STARD9: variants seen among roughly 807,000 people sequenced by gnomAD.
STARD9 encodes StAR related lipid transfer domain containing 9, also known as stAR-related lipid transfer protein 9.
A neutral mutation model predicts 399.8 loss-of-function variants in STARD9; 346 were observed. That is an observed-to-expected ratio of 0.87 (90% CI 0.79 to 0.95). The LOEUF is 0.95. Among genes scored for constraint, STARD9 ranks in the 40% least tolerant of loss-of-function variants. The pLI is 0.00. For missense variants in STARD9, 5,832 were observed against 5,667.5 expected (o/e 1.03, Z -0.93); for synonymous variants, 2,203 against 2,143.5 (o/e 1.03, Z -0.77).
chr15:42,688,942 G>A lies in STARD9; in HGVS notation c.7364G>A (p.Gly2455Asp), dbSNP rs955213452. The A allele has an allele frequency of 2.0e-6, 3 of 1,537,412 alleles. No homozygotes were observed. Among genetic ancestry groups the A allele is most frequent in the Non-Finnish European group, 8.7e-7 (1 of 1,146,960 alleles). ...AAGGACCTCAGAATCACCTTGCTGG[G>A]TTTCAGTACCAGTGAAGATTTTGCT... Reference protein sequence around the residue: ...HGKDLRITLLGFSTSEDFASE... With the variant: ...HGKDLRITLLDFSTSEDFASE... Residue 2455 changes from glycine to aspartate, a missense_variant, in exon 23 of 33, where the codon GGT becomes GAT. By Grantham distance (94) the Gly-to-Asp change is moderately conservative. Transcript: ENST00000290607.
intron 3 of STARD9, among the ~76,000 whole-genome samples, chr15:42,588,850 A>G (rs1386213587): frequency 8.0e-6 from 1 of 125,772 alleles, no homozygotes; most frequent in Non-Finnish European, 1.6e-5. Context: ...ACAGAGTCTT[A>G]GTCACCCAGG....
Position 42,715,519 on chromosome 15 carries a change from A to G in STARD9, c.13285-1158A>G, listed in dbSNP as rs1046470810. ...AACAGGGTGAGATCCTGTCTTTACAAATTTTTTTTTTTTTTTTGAGATGGA... is the reference window on the plus strand; with the variant it reads ...AACAGGGTGAGATCCTGTCTTTACAGATTTTTTTTTTTTTTTTGAGATGGA... On this transcript the variant is annotated intron_variant, in intron 26 of 32. Transcript: ENST00000290607. 3.8e-5 allele frequency among the ~76,000 whole-genome samples: 5 copies of G among 130,590 alleles called. No homozygotes were observed. In the East Asian group the frequency reaches 6.0e-4, roughly 16 times the overall value. The allele number at this position is 130,590 out of a possible 152,430, so 85.7% of individuals were successfully genotyped here.
chr15:42,717,974 C>G lies in STARD9; in HGVS notation c.13560-3C>G. 1.3e-6 allele frequency: 2 copies of G among 1,537,146 alleles called. No homozygotes were observed. Among genetic ancestry groups the G allele is most frequent in the Non-Finnish European group, 1.7e-6 (2 of 1,146,836 alleles). ...ATTTTCTGTGCTTGGTGTCTCCCCC[C>G]AGCTATCAGGGTGAGGAGCAGGCGG... is the stretch of plus-strand genomic sequence containing the variant. On this transcript the variant is annotated splice_polypyrimidine_tract_variant and splice_region_variant and intron_variant, in intron 29 of 32. Coordinates refer to ENST00000290607, the MANE Select transcript of STARD9 (RefSeq NM_020759.3).
At position 42,697,791 on chromosome 15, in the gene STARD9, A is replaced by C. The variant is rs1400594929; in HGVS notation, c.13284+1911A>C. Among the ~76,000 whole-genome samples, 2 of 152,180 alleles carry C rather than the reference A, an allele frequency of 1.3e-5. 1 individual carries two copies. Among genetic ancestry groups the C allele is most frequent in the African/African-American group, 4.8e-5 (2 of 41,434 alleles). On this transcript the variant is annotated intron_variant, in intron 26 of 32. Transcript: ENST00000290607. ...CCATCATATCTCCTTATGCATATGC[A>C]AATTCTCCAAAATCCGAAAAAATTC...
chr15:42,581,017 G>A, intron 1 of STARD9: 1 of 446,450 alleles, frequency 2.2e-6, no homozygotes, highest in Non-Finnish European at 4.2e-6. Context: ...ACTGTAATGG[G>A]GACTGCTGGT....
At chr15:42,611,756 A>T (rs140427579) in intron 3 of STARD9, among the ~76,000 whole-genome samples, 2 of 152,238 alleles carry the variant, frequency 1.3e-5, no homozygotes, top group African/African-American at 2.4e-5. Flanking sequence ...ACGAGGGGTG[A>T]TTAGGTTATC....
At position 42,719,833 on chromosome 15, in the gene STARD9, CT is replaced by C. The variant is rs1595841108; in HGVS notation, c.*263del. 5.0e-6 allele frequency: 2 copies of C among 398,782 alleles called. No individual in the cohort carries two copies. Among genetic ancestry groups the C allele is most frequent in the South Asian group, 5.0e-5 (1 of 19,820 alleles). The allele number at this position is 398,782 out of a possible 1,614,324, so 24.7% of individuals were successfully genotyped here. On this transcript the variant is annotated 3_prime_UTR_variant, in exon 33 of 33. Coordinates refer to ENST00000290607, the MANE Select transcript of STARD9 (RefSeq NM_020759.3). The stretch of plus-strand genomic sequence containing the variant: ...CCAGAGTGAATGCAGCTCCGCTCAC[CT>C]TTTGGATTTCTCACCTTTCTTTCCT...
chr15:42,607,686 A>ACACACACACAC (rs2058764892), intron 3 of STARD9, among the ~76,000 whole-genome samples: 1 of 144,102 alleles, frequency 6.9e-6, no homozygotes, highest in African/African-American at 2.9e-5. Context: ...ACACACACAC[A>ACACACACACAC]AATATATATT....
intron 1 of STARD9, among the ~76,000 whole-genome samples, chr15:42,578,744 G>T (rs899338468): frequency 6.6e-6 from 1 of 151,458 alleles, no homozygotes; most frequent in African/African-American, 2.4e-5. Flanking sequence ...ATCAGTTTTT[G>T]AGACTCAAAG....
intron 7 of STARD9, among the ~76,000 whole-genome samples, chr15:42,645,479 C>A (rs985693114): frequency 2.0e-5 from 3 of 151,922 alleles, no homozygotes; most frequent in Non-Finnish European, 4.4e-5. Flanking sequence ...TTACTGTAAG[C>A]AGATACGCTG....
In STARD9 at chr15:42,694,280, G is replaced by A. The variant is rs1158825158; in HGVS notation, c.12702G>A (p.Gly4234=). ...CCCTGCTCCAGGTGCTGCAGAGTGG[G>A]ACAGGGGAGGCGCTTGCTGCTGATG... is the stretch of plus-strand genomic sequence containing the variant. The part of the protein sequence containing the change: ...ADALLQVLQS[G]TGEALAADEP... The change falls in exon 23 of 33, where the codon GGG becomes GGA. Residue 4234 remains glycine, a synonymous_variant. Transcript: ENST00000290607. 2 of 1,521,194 alleles carry A rather than the reference G, an allele frequency of 1.3e-6. No individual in the cohort carries two copies. Among genetic ancestry groups the A allele is most frequent in the Admixed American group, 2.0e-5 (1 of 49,536 alleles). The allele number at this position is 1,521,194 out of a possible 1,614,324, so 94.2% of individuals were successfully genotyped here.
rs2140419218 is a variant in STARD9, at chr15:42,716,671, C to T, written c.13285-6C>T. Reference sequence around the variant, plus strand: ...GGCTCTGTCCTGAGTATCCTCTCTTCTGCAGGGGCATACAAACTTGCCTGA... The same window carrying T: ...GGCTCTGTCCTGAGTATCCTCTCTTTTGCAGGGGCATACAAACTTGCCTGA... On this transcript the variant is annotated splice_region_variant and splice_polypyrimidine_tract_variant and intron_variant, in intron 26 of 32. Transcript: ENST00000290607. 1 of 1,525,514 alleles carries T rather than the reference C, an allele frequency of 6.6e-7. No homozygotes were observed. Among genetic ancestry groups the T allele is most frequent in the East Asian group, 2.4e-5 (1 of 40,850 alleles). 94.5% of individuals were successfully genotyped at this position (1,525,514 alleles called of 1,614,324 possible).
In STARD9 at chr15:42,694,590, G is replaced by A. The variant is rs541570670; in HGVS notation, c.12827G>A (p.Arg4276Gln). 5.3e-5 allele frequency: 82 copies of A among 1,537,180 alleles called. No individual in the cohort carries two copies. Among genetic ancestry groups the A allele is most frequent in the African/African-American group, 5.2e-4 (38 of 73,130 alleles). The stretch of plus-strand genomic sequence containing the variant: ...GCTGAGCGACTTGGGAACTTCTGCC[G>A]GACGCGAAGCCTTAGCCCTCAGAAA... ...ERAERLGNFC[R>Q]TRSLSPQKQL... is the part of the protein sequence containing the mutation. The change falls in exon 24 of 33, where the codon CGG becomes CAG. Residue 4276 changes from arginine (R) to glutamine (Q), a missense_variant. Around this residue, in one of 2 missense-constraint regions of STARD9, gnomAD observed 5,828 missense variants for 5,651.1 expected, o/e 1.03. Coordinates refer to ENST00000290607, the MANE Select transcript of STARD9 (RefSeq NM_020759.3).
intron 3 of STARD9, among the ~76,000 whole-genome samples, chr15:42,609,981 T>C (rs1321482282): frequency 1.3e-5 from 2 of 151,926 alleles, no homozygotes; most frequent in African/African-American, 4.8e-5. Flanking sequence ...TAATCCCAGC[T>C]ACTCGCGAGG....
intron 3 of STARD9, among the ~76,000 whole-genome samples, chr15:42,634,098 A>T (rs1442425016): frequency 6.6e-6 from 1 of 152,136 alleles, no homozygotes; most frequent in Admixed American, 6.6e-5. Flanking sequence ...GGGCAACAAT[A>T]CAAAGGGTAA....
intron 1 of STARD9, among the ~76,000 whole-genome samples, chr15:42,576,929 C>T (rs945584190): frequency 6.6e-6 from 1 of 152,122 alleles, no homozygotes; most frequent in African/African-American, 2.4e-5. Flanking sequence ...GCCTGACCTG[C>T]TGCGTTTTGA....
At chr15:42,612,678 A>T (rs1041409317) in intron 3 of STARD9, among the ~76,000 whole-genome samples, 1 of 152,216 alleles carries the variant, frequency 6.6e-6, no homozygotes, top group Non-Finnish European at 1.5e-5. Context: ...AGCAAAAAGA[A>T]GCACTGACAG....
intron 23 of STARD9, 91 bp from the exon 24 acceptor site, chr15:42,694,437 G>A: frequency 6.6e-7 from 1 of 1,524,792 alleles, no homozygotes; most frequent in Non-Finnish European, 8.8e-7. Context: ...CCTCTGCCCT[G>A]GTTCATCTCT....
At position 42,686,799 on chromosome 15, in the gene STARD9, C is replaced by A; in HGVS notation, c.5221C>A (p.Pro1741Thr). The A allele has an allele frequency of 2.0e-6, 3 of 1,537,180 alleles. No homozygotes were observed. Among genetic ancestry groups the A allele is most frequent in the Non-Finnish European group, 2.6e-6 (3 of 1,146,880 alleles). ...GAATCCATTGTCATCTTCCCTGCAG[C>A]CCCCACTCTTGGAAACATTCTATGT... ...PWNPLSSSLQ[P>T]PLLETFYVTK... is the part of the protein sequence containing the mutation. Residue 1741 changes from proline (P) to threonine (T), a missense_variant, in exon 23 of 33, where the codon CCC becomes ACC. Pro to Thr is a conservative substitution (Grantham distance 38, BLOSUM62 -1). Coordinates refer to ENST00000290607, the MANE Select transcript of STARD9 (RefSeq NM_020759.3).
Sources: gnomAD v4.1 joint callset for allele counts (sites outside exome capture counted in the v4.1 genomes callset) on GRCh38, gnomAD v4.1.1 for gene constraint, gnomAD v4.1.1 regional missense constraint, MANE v1.5 for transcripts, NCBI Gene and HGNC (gene_info 2026-07-23, HGNC 2026-07-21) for gene names.